The following SPATA6 variants were observed in gnomAD, a reference collection of about 807,000 sequenced individuals.
The protein encoded by SPATA6 is spermatogenesis associated 6.
A neutral mutation model predicts 65.3 loss-of-function variants in SPATA6; 56 were observed. The ratio of observed to expected loss-of-function variants is 0.86; its 90% CI spans 0.69 to 1.07. The LOEUF is 1.07. Ranked by LOEUF, SPATA6 falls within the 50% of genes least tolerant of loss-of-function variation. The pLI is 0.00. For missense variants in SPATA6, 590 were observed against 594.8 expected, an observed-to-expected ratio of 0.99 and a Z score of 0.08; for synonymous variants, 199 against 213.2, an observed-to-expected ratio of 0.93 and a Z score of 0.58.
intron 1 of SPATA6, among the ~76,000 whole-genome samples, chr1:48,471,680 A>C (rs2148219673): frequency 6.6e-6 from 1 of 152,314 alleles, no homozygotes; most frequent in African/African-American, 2.4e-5. Context: ...AGGAGCGAGG[A>C]AAGAACTCTG....
chr1:48,446,888 C>T (rs1197495060), intron 3 of SPATA6, among the ~76,000 whole-genome samples: 1 of 151,820 alleles, frequency 6.6e-6, no homozygotes, highest in African/African-American at 2.4e-5. Flanking sequence ...GACCTTGAAC[C>T]ACATGTTTGA....
At chr1:48,262,153 T>C in the SPATA6 span, 2 of 152,252 alleles carry the variant, frequency 1.3e-5, no homozygotes, top group South Asian at 2.1e-4. Flanking sequence ...TCAAGACATA[T>C]GTGTTTTTAG....
intron 9 of SPATA6, among the ~76,000 whole-genome samples, chr1:48,376,921 A>G (rs765636559): frequency 6.6e-6 from 1 of 152,198 alleles, no homozygotes; most frequent in Non-Finnish European, 1.5e-5. Flanking sequence ...TACAACAAAA[A>G]TAGACATTAT....
rs1644843349 is a variant in SPATA6, at chr1:48,297,921, T to A, written c.*792A>T. The A allele has an allele frequency of 6.6e-6, 1 of 152,150 alleles. No individual in the cohort carries two copies. The highest frequency in any genetic ancestry group is 1.5e-5 in the Non-Finnish European group (1 of 68,026). 9.4% of individuals were successfully genotyped at this position (152,150 alleles called of 1,614,324 possible). A position where few individuals can be genotyped will look rare whatever the true frequency, so the allele number is the denominator to read the frequency against. On this transcript the variant is annotated 3_prime_UTR_variant, in exon 13 of 13. Transcript: ENST00000371847. ...AATTCCAAGCAGTCAAATTACAATA[T>A]AATTCCATTATTATTTTTAGGTTTC...
chr1:48,318,003 T>C (rs1307625494), intron 11 of SPATA6, among the ~76,000 whole-genome samples: 1 of 152,138 alleles, frequency 6.6e-6, no homozygotes, highest in African/African-American at 2.4e-5. Context: ...TTGACTCATA[T>C]AAAATTCAAT....
In SPATA6 at chr1:48,387,063, A is replaced by G. The variant is rs1285885251; in HGVS notation, c.869-1714T>C. Among the ~76,000 whole-genome samples, 4 of 152,228 alleles carry G rather than the reference A, an allele frequency of 2.6e-5. No individual in the cohort carries two copies. In the East Asian group the frequency reaches 7.7e-4, roughly 29 times the overall value. Reference sequence around the variant, plus strand: ...ACGTAGCTGGGGAAGCCTCACAATCATGGCAGAAGGCAAGGAAGAGCAAGT... The same window carrying G: ...ACGTAGCTGGGGAAGCCTCACAATCGTGGCAGAAGGCAAGGAAGAGCAAGT... On this transcript the variant is annotated intron_variant, in intron 8 of 12. Transcript: ENST00000371847.
chr1:48,427,923 TC>T (rs771409514), intron 3 of SPATA6, among the ~76,000 whole-genome samples: 2 of 152,166 alleles, frequency 1.3e-5, no homozygotes, highest in Non-Finnish European at 2.9e-5. Flanking sequence ...ATTGTTCCCA[TC>T]TTTGTGTCCA....
At chr1:48,414,995 TAA>T (rs79060900) in intron 3 of SPATA6, among the ~76,000 whole-genome samples, 1 of 141,458 alleles carries the variant, frequency 7.1e-6, no homozygotes, top group East Asian at 2.0e-4. Flanking sequence ...ACAGAAATTC[TAA>T]AAAAAAAAAA....
chr1:48,443,062 G>C (rs1418289010), intron 3 of SPATA6, among the ~76,000 whole-genome samples: 1 of 151,934 alleles, frequency 6.6e-6, no homozygotes, highest in Admixed American at 6.6e-5. Context: ...TTCAGTAAGT[G>C]ATAAGGAAGC....
At chr1:48,313,972 AT>A (rs978578117) in intron 11 of SPATA6, among the ~76,000 whole-genome samples, 7 of 152,340 alleles carry the variant, frequency 4.6e-5, no homozygotes, top group African/African-American at 1.7e-4. Flanking sequence ...AAAGGGATCA[AT>A]TCAACAAGAA....
At chr1:48,267,066 T>TATAATA in the SPATA6 span, among the ~76,000 whole-genome samples, 1 of 151,678 alleles carries the variant, frequency 6.6e-6, no homozygotes. Flanking sequence ...TAGTGAGCTA[T>TATAATA]ATAATAATAA....
At chr1:48,379,917 T>C (rs1004035327) in intron 9 of SPATA6, among the ~76,000 whole-genome samples, 2 of 152,206 alleles carry the variant, frequency 1.3e-5, no homozygotes, top group African/African-American at 2.4e-5. Context: ...CCTTAAAAAA[T>C]TGTGAAAATA....
At chr1:48,374,917 T>C (rs540805255) in intron 9 of SPATA6, among the ~76,000 whole-genome samples, 3 of 152,300 alleles carry the variant, frequency 2.0e-5, no homozygotes, top group Non-Finnish European at 4.4e-5. Context: ...ACTAAGACTG[T>C]CAAGGTAGTG....
chr1:48,434,236 G>A (rs1654664981), intron 3 of SPATA6, among the ~76,000 whole-genome samples: 1 of 126,588 alleles, frequency 7.9e-6, no homozygotes, highest in Non-Finnish European at 1.6e-5. Context: ...CAGGCACTAT[G>A]CACTAGAGAT....
chr1:48,351,130 G>A lies in SPATA6; in HGVS notation c.1194+4540C>T, dbSNP rs1030021089. 2.6e-5 allele frequency among the ~76,000 whole-genome samples: 4 copies of A among 151,798 alleles called. No individual in the cohort carries two copies. The Admixed American group carries it at 2.6e-4, about 10-fold the overall frequency. ...TCCTGCTGCTATTGTAAATGGCATA[G>A]ATCTTATAACTTAAAATTTCAATTG... On this transcript the variant is annotated intron_variant, in intron 11 of 12. Transcript: ENST00000371847.
At chr1:48,359,269 C>A (rs913041283) in intron 10 of SPATA6, among the ~76,000 whole-genome samples, 6 of 152,084 alleles carry the variant, frequency 3.9e-5, no homozygotes, top group Non-Finnish European at 2.9e-5. Flanking sequence ...ACACTTAAGG[C>A]AAGCCTATAA....
chr1:48,301,893 A>G (rs1205327085), intron 12 of SPATA6, among the ~76,000 whole-genome samples: 1 of 152,164 alleles, frequency 6.6e-6, no homozygotes, highest in Non-Finnish European at 1.5e-5. Context: ...TGGATTAAAT[A>G]CTTAAATGTG....
chr1:48,316,336 T>C (rs141192417), intron 11 of SPATA6, among the ~76,000 whole-genome samples: 14,940 of 152,074 alleles, frequency 0.098, 883 homozygotes, highest in South Asian at 0.17. Flanking sequence ...AAAACAGAGA[T>C]ATAGACCAAT....
At chr1:48,385,491 AG>A (rs1170583704) in intron 8 of SPATA6, 142 bp from the exon 9 acceptor site, 2 of 589,758 alleles carry the variant, frequency 3.4e-6, no homozygotes, top group Non-Finnish European at 5.6e-6. Flanking sequence ...TACATCAGAA[AG>A]GATAATAATC....
Sources: allele counts gnomAD v4.1 joint callset (sites outside exome capture counted in the v4.1 genomes callset), GRCh38; gene constraint gnomAD v4.1.1; transcripts MANE v1.5; gene names NCBI Gene and HGNC (gene_info 2026-07-23, HGNC 2026-07-21).